PIK3C3: variants seen among roughly 807,000 people sequenced by gnomAD.
PIK3C3 encodes PI3-kinase type 3.
In PIK3C3, 95 loss-of-function variants were observed where a neutral mutation model predicts 126.1. That is an observed-to-expected ratio of 0.75 (90% CI 0.64 to 0.89). PIK3C3 has a LOEUF of 0.89. PIK3C3 is among the 40% of genes least tolerant of loss of function. The pLI, the probability that PIK3C3 is intolerant of heterozygous loss-of-function variation, is 0.00. For synonymous variants in PIK3C3, 374 were observed against 360.0 expected (o/e 1.04, Z -0.44); for missense variants, 829 against 1,063.2 (o/e 0.78, Z 3.06).
chr18:41,980,577 A>T (rs953043747), intron 4 of PIK3C3, among the ~76,000 whole-genome samples: 12 of 152,042 alleles, frequency 7.9e-5, no homozygotes, highest in Admixed American at 7.9e-4. Context: ...TCACTTTGGG[A>T]GGCTGATGGA....
Position 42,067,578 on chromosome 18 carries a change from G to C in PIK3C3, c.2649+65G>C, listed in dbSNP as rs1265402842. On this transcript the variant is annotated intron_variant, in intron 24 of 24. Coordinates refer to ENST00000262039, the MANE Select transcript of PIK3C3 (RefSeq NM_002647.4). ...CGTGTACTGCCCCAGAGTCCTTGGA[G>C]AGCCATGCATTTCTCCTGCCAGTTG... 8 of 1,553,760 alleles carry C rather than the reference G, an allele frequency of 5.1e-6. No homozygotes were observed. The African/African-American group carries it at 8.2e-5, about 16-fold the overall frequency.
intron 21 of PIK3C3, among the ~76,000 whole-genome samples, chr18:42,055,256 G>A (rs369798942): frequency 6.6e-6 from 1 of 152,076 alleles, no homozygotes; most frequent in East Asian, 1.9e-4. Flanking sequence ...CTCAGCACAT[G>A]CCAGCTCCTT....
intron 7 of PIK3C3, among the ~76,000 whole-genome samples, chr18:41,994,648 A>T (rs1030422661): frequency 5.3e-5 from 8 of 152,204 alleles, no homozygotes; most frequent in Non-Finnish European, 1.2e-4. Context: ...ATACTGAGGA[A>T]TGGAATTAAT....
At chr18:42,027,271 G>C (rs910902244) in intron 13 of PIK3C3, 172 bp from the exon 14 acceptor site, 3 of 367,354 alleles carry the variant, frequency 8.2e-6, no homozygotes, top group Admixed American at 4.5e-5. Flanking sequence ...GGTTGTATGT[G>C]TTCCTCTTTA....
At chr18:41,958,684 TATATATATGTGTGTATATAGATATAG>T (rs1303108343) in intron 2 of PIK3C3, among the ~76,000 whole-genome samples, 1 of 152,086 alleles carries the variant, frequency 6.6e-6, no homozygotes, top group Non-Finnish European at 1.5e-5. Context: ...TCTATCTGTA[TATATATATGTGTGTATATAGATATAG>T]ATATATATGT....
rs1002399427 is a variant in PIK3C3 at position 42,045,173 on chromosome 18, A to G, written c.2188+1356A>G. ...TATAGTTTTAATTCTTGTTTTTACT[A>G]TAGGAATATAAACATATATTACATG... On this transcript the variant is annotated intron_variant, in intron 20 of 24. Coordinates refer to ENST00000262039, the MANE Select transcript of PIK3C3 (RefSeq NM_002647.4). Among the ~76,000 whole-genome samples, 9 of 152,230 alleles carry G rather than the reference A, an allele frequency of 5.9e-5. No individual in the cohort carries two copies. The East Asian group carries it at 7.7e-4, about 13-fold the overall frequency.
At chr18:42,010,944 A>C (rs1274428656) in intron 10 of PIK3C3, among the ~76,000 whole-genome samples, 1 of 152,244 alleles carries the variant, frequency 6.6e-6, no homozygotes, top group Admixed American at 6.5e-5. Flanking sequence ...GCAGGAATGT[A>C]AATGGCATTC....
At chr18:42,018,019 A>T (rs538263611) in intron 12 of PIK3C3, among the ~76,000 whole-genome samples, 1 of 151,598 alleles carries the variant, frequency 6.6e-6, no homozygotes, top group Admixed American at 6.6e-5. Context: ...CTTGCTTGTC[A>T]TTGGCTAAAT....
chr18:41,989,856 CTTTT>C (rs920817647), intron 5 of PIK3C3, among the ~76,000 whole-genome samples: 2 of 151,902 alleles, frequency 1.3e-5, no homozygotes, highest in Admixed American at 6.6e-5. Flanking sequence ...ATATAAATAA[CTTTT>C]TTTTATGTTG....
chr18:41,990,390 G>A, intron 5 of PIK3C3, 69 bp from the exon 6 acceptor site: 1 of 869,356 alleles, frequency 1.2e-6, no homozygotes. Context: ...TAGGAAAAAT[G>A]ATACATACTG....
chr18:42,056,221 A>T (rs912933858), intron 21 of PIK3C3, among the ~76,000 whole-genome samples: 2 of 152,172 alleles, frequency 1.3e-5, no homozygotes, highest in African/African-American at 2.4e-5. Flanking sequence ...TCTTTTGAAA[A>T]TACATGGCTA....
chr18:41,990,468 CGAA>C lies in PIK3C3; in HGVS notation c.630_632del (p.Ser212del). Reference sequence around the variant, plus strand: ...TCATTTTTTTTTTCAGAGTGAAAAACGAAGTTCTAATTTCATGTACCTGATGGT... The same window carrying C: ...TCATTTTTTTTTTCAGAGTGAAAAACGTTCTAATTTCATGTACCTGATGGT... On this transcript the variant is annotated inframe_deletion, in exon 6 of 25. Coordinates refer to ENST00000262039, the MANE Select transcript of PIK3C3 (RefSeq NM_002647.4). 9 of 1,565,742 alleles carry C rather than the reference CGAA, an allele frequency of 5.7e-6. No homozygotes were observed. The highest frequency in any genetic ancestry group is 2.3e-5 in the East Asian group (1 of 44,396).
At chr18:42,028,558 A>G (rs898570163) in intron 14 of PIK3C3, among the ~76,000 whole-genome samples, 2 of 152,158 alleles carry the variant, frequency 1.3e-5, no homozygotes, top group Non-Finnish European at 2.9e-5. Context: ...CATCTTATTA[A>G]ACACTTTGAG....
At chr18:41,981,269 A>C (rs1257092834) in intron 4 of PIK3C3, among the ~76,000 whole-genome samples, 5 of 152,334 alleles carry the variant, frequency 3.3e-5, no homozygotes, top group Non-Finnish European at 7.3e-5. Context: ...CAAGTAGACT[A>C]AATTAGTTTT....
At position 42,081,422 on chromosome 18, in the gene PIK3C3, A is replaced by G. The variant is rs1261602808; in HGVS notation, c.*285A>G. ...AAACATTCTTATTTATGTACATGTT[A>G]TGAGAGTTCTGGAGGAAGTAATATG... On this transcript the variant is annotated 3_prime_UTR_variant, in exon 25 of 25. Coordinates refer to ENST00000262039, the MANE Select transcript of PIK3C3 (RefSeq NM_002647.4). The G allele has an allele frequency of 3.0e-6, 1 of 334,076 alleles. No individual in the cohort carries two copies. Among genetic ancestry groups the G allele is most frequent in the African/African-American group, 2.1e-5 (1 of 47,304 alleles). The allele number at this position is 334,076 out of a possible 1,614,324, so 20.7% of individuals were successfully genotyped here.
intron 9 of PIK3C3, among the ~76,000 whole-genome samples, chr18:42,000,537 T>G (rs539198830): frequency 1.7e-4 from 26 of 152,172 alleles, no homozygotes; most frequent in Non-Finnish European, 3.1e-4. Context: ...GGCCTGAACC[T>G]GATGGATTTA....
rs538150342 is a variant in PIK3C3 at position 42,043,300 on chromosome 18, C to T, written c.2104-433C>T. Among the ~76,000 whole-genome samples the T allele has an allele frequency of 7.2e-5, 11 of 152,168 alleles. No individual in the cohort carries two copies. In the East Asian group the frequency reaches 9.6e-4, roughly 13 times the overall value. On this transcript the variant is annotated intron_variant, in intron 19 of 24. Transcript: ENST00000262039. Reference sequence around the variant, plus strand: ...TAGAGACTGGGTTTCACCATGTTGACCAGGATGTTCTTGATCTCTTGACCT... The same window carrying T: ...TAGAGACTGGGTTTCACCATGTTGATCAGGATGTTCTTGATCTCTTGACCT...
At chr18:42,023,401 A>G (rs2144425046) in intron 13 of PIK3C3, among the ~76,000 whole-genome samples, 1 of 152,372 alleles carries the variant, frequency 6.6e-6, no homozygotes, top group South Asian at 2.1e-4. Flanking sequence ...GCTTCTGTTC[A>G]TAAGGAGCAC....
intron 24 of PIK3C3, among the ~76,000 whole-genome samples, chr18:42,071,948 A>G (rs1985791511): frequency 6.6e-6 from 1 of 152,200 alleles, no homozygotes; most frequent in East Asian, 1.9e-4. Flanking sequence ...GCACTGAAGC[A>G]TACATGGGAT....
Sources: gnomAD v4.1 joint callset for allele counts (sites outside exome capture counted in the v4.1 genomes callset) on GRCh38, gnomAD v4.1.1 for gene constraint, MANE v1.5 for transcripts, NCBI Gene and HGNC (gene_info 2026-07-23, HGNC 2026-07-21) for gene names.